Variants in CHCHD3 observed in about 807,000 individuals in gnomAD.
CHCHD3 encodes the protein MICOS complex subunit MIC19.
Under a neutral mutation model 38.2 loss-of-function variants are expected in CHCHD3, and 20 were observed. The ratio of observed to expected loss-of-function variants is 0.52; its 90% confidence interval spans 0.37 to 0.76. The LOEUF is 0.76. Ranked by LOEUF, CHCHD3 falls within the 30% of genes least tolerant of loss-of-function variation. CHCHD3 has a pLI of 0.00. For synonymous variants in CHCHD3, 82 were observed against 100.0 expected (o/e 0.82, Z 1.07); for missense variants, 245 against 279.2 (o/e 0.88, Z 0.87).
At chr7:133,081,825 C>A in intron 1 of CHCHD3, 32 bp downstream of exon 1, 1 of 1,549,712 alleles carries the variant, frequency 6.5e-7, no homozygotes, top group Non-Finnish European at 8.7e-7. Context: ...CGAGTCCAAC[C>A]ACTGGCCCTC....
At chr7:133,036,242 A>G (rs1813670371) in intron 2 of CHCHD3, among the ~76,000 whole-genome samples, 1 of 152,204 alleles carries the variant, frequency 6.6e-6, no homozygotes, top group African/African-American at 2.4e-5. Context: ...ATTTTACTGC[A>G]TGTTTTAACA....
chr7:132,939,596 T>C (rs1419316745), intron 4 of CHCHD3, among the ~76,000 whole-genome samples: 1 of 152,204 alleles, frequency 6.6e-6, no homozygotes, highest in African/African-American at 2.4e-5. Context: ...GATGCATTTT[T>C]CAGAATGTAT....
intron 3 of CHCHD3, among the ~76,000 whole-genome samples, chr7:132,984,541 G>A (rs1224640468): frequency 2.0e-4 from 30 of 147,134 alleles, no homozygotes; most frequent in African/African-American, 7.5e-4. Flanking sequence ...GGGATGTGAG[G>A]AGCCCCTCTG....
rs1413687270 is a variant in CHCHD3 at position 133,035,555 on chromosome 7, G to A, written c.170-10928C>T. ...CATTCTCAGTGGCCTGTTTGTTGTGGTGCATGATGCCCAAGGTGGGGAACA... is the reference window on the plus strand; with the variant it reads ...CATTCTCAGTGGCCTGTTTGTTGTGATGCATGATGCCCAAGGTGGGGAACA... On this transcript the variant is annotated intron_variant, in intron 2 of 7. Transcript: ENST00000262570. The surrounding 1 kb of genome is among the most constrained non-coding windows in gnomAD (Gnocchi z 4.7). 6 of 1,613,530 alleles carry A rather than the reference G, an allele frequency of 3.7e-6. No individual in the cohort carries two copies. In the South Asian group the frequency reaches 4.4e-5, roughly 12 times the overall value.
intron 4 of CHCHD3, among the ~76,000 whole-genome samples, chr7:132,950,946 T>C (rs1172969236): frequency 7.9e-5 from 12 of 152,200 alleles, no homozygotes; most frequent in Admixed American, 7.9e-4. Context: ...TTGTGACAGA[T>C]GCTAGGGAAA....
chr7:133,078,420 C>A (rs1815065608), intron 1 of CHCHD3, among the ~76,000 whole-genome samples: 1 of 152,176 alleles, frequency 6.6e-6, no homozygotes, highest in Non-Finnish European at 1.5e-5. Flanking sequence ...GCGGCACATG[C>A]CCGTAGTCCC....
chr7:132,882,320 G>T (rs1411099921), intron 5 of CHCHD3, among the ~76,000 whole-genome samples: 1 of 152,056 alleles, frequency 6.6e-6, no homozygotes, highest in Non-Finnish European at 1.5e-5. Flanking sequence ...TTTACTTAAT[G>T]TGGAGTTATC....
chr7:132,840,450 T>A (rs982904517), intron 5 of CHCHD3, among the ~76,000 whole-genome samples: 12 of 152,244 alleles, frequency 7.9e-5, no homozygotes, highest in African/African-American at 2.9e-4. Flanking sequence ...GCACTGGAAC[T>A]GTAATATCTG....
intron 2 of CHCHD3, among the ~76,000 whole-genome samples, chr7:133,036,372 G>T (rs1813673975): frequency 1.3e-5 from 2 of 152,254 alleles, no homozygotes; most frequent in South Asian, 4.1e-4. Context: ...TAAAAGAATA[G>T]TATAAAATGT....
chr7:132,924,229 T>C (rs1404298986), intron 4 of CHCHD3, among the ~76,000 whole-genome samples: 1 of 152,142 alleles, frequency 6.6e-6, no homozygotes, highest in Non-Finnish European at 1.5e-5. Flanking sequence ...AAATATGAAA[T>C]GCATCTTATG....
At chr7:132,909,348 G>A (rs1178396928) in intron 4 of CHCHD3, among the ~76,000 whole-genome samples, 1 of 152,020 alleles carries the variant, frequency 6.6e-6, no homozygotes, top group African/African-American at 2.4e-5. Context: ...ACAAAAATTA[G>A]CCAGGTGTGG....
chr7:132,924,101 G>C (rs1323658257), intron 4 of CHCHD3, among the ~76,000 whole-genome samples: 1 of 152,134 alleles, frequency 6.6e-6, no homozygotes, highest in Non-Finnish European at 1.5e-5. Context: ...ACCACAGCTG[G>C]AGAAATAAGG....
intron 4 of CHCHD3, among the ~76,000 whole-genome samples, chr7:132,926,523 T>C (rs1585644456): frequency 6.6e-6 from 1 of 152,282 alleles, no homozygotes; most frequent in Admixed American, 6.5e-5. Context: ...GAAAAGGAAG[T>C]ATTCTATCCG....
At chr7:132,936,270 T>C (rs1037947782) in intron 4 of CHCHD3, among the ~76,000 whole-genome samples, 1 of 152,182 alleles carries the variant, frequency 6.6e-6, no homozygotes, top group African/African-American at 2.4e-5. Context: ...AATGATAAAG[T>C]ACTAAAGAAC....
chr7:132,857,000 C>G (rs6974708), intron 5 of CHCHD3, among the ~76,000 whole-genome samples: 36,376 of 152,042 alleles, frequency 0.24, 4,497 homozygotes, highest in South Asian at 0.26. Flanking sequence ...AAGCTTGCTG[C>G]AGTTTTTGGT....
intron 4 of CHCHD3, among the ~76,000 whole-genome samples, chr7:132,913,307 T>G (rs944947606): frequency 2.0e-5 from 3 of 152,136 alleles, no homozygotes; most frequent in Admixed American, 2.0e-4. Flanking sequence ...ACAAATAAAT[T>G]TTTTAAGTCA....
intron 4 of CHCHD3, among the ~76,000 whole-genome samples, chr7:132,957,404 C>T (rs1365680079): frequency 1.3e-5 from 2 of 152,180 alleles, no homozygotes; most frequent in South Asian, 2.1e-4. Context: ...AATGGCTGCG[C>T]CACTCCAATC....
intron 4 of CHCHD3, among the ~76,000 whole-genome samples, chr7:132,956,936 T>G (rs1487197949): frequency 6.6e-6 from 1 of 152,232 alleles, no homozygotes; most frequent in Admixed American, 6.5e-5. Context: ...ATGCCTCTTC[T>G]GAAGAGCGAT....
intron 4 of CHCHD3, among the ~76,000 whole-genome samples, chr7:132,892,400 G>T (rs1315186559): frequency 1.3e-5 from 2 of 152,310 alleles, no homozygotes; most frequent in Non-Finnish European, 2.9e-5. Context: ...TGAGAGAGAT[G>T]ATGTGAAATT....
Sources: allele counts gnomAD v4.1 joint callset (sites outside exome capture counted in the v4.1 genomes callset), GRCh38; gene constraint gnomAD v4.1.1; non-coding constraint Gnocchi (gnomAD v3.1); transcripts MANE v1.5; gene names NCBI Gene and HGNC (gene_info 2026-07-23, HGNC 2026-07-21).